Variants in DDX4 observed in about 807,000 individuals in gnomAD.
DDX4 encodes probable ATP-dependent RNA helicase DDX4.
A neutral mutation model predicts 100.0 loss-of-function variants in DDX4; 25 were observed. The observed-to-expected ratio is 0.25, with a 90% CI of 0.18 to 0.35. The LOEUF (loss-of-function observed/expected upper bound fraction) is 0.35. Ranked by LOEUF, DDX4 falls within the 10% of genes least tolerant of loss-of-function variation. The pLI is 1.00. For synonymous variants in DDX4, 259 were observed against 275.7 expected (o/e 0.94, Z 0.60); for missense variants, 635 against 882.4 (o/e 0.72, Z 3.55).
chr5:55,816,667 A>T lies in DDX4; in HGVS notation c.*127A>T. 9.1e-6 allele frequency: 13 copies of T among 1,435,398 alleles called. No homozygotes were observed. Among genetic ancestry groups the T allele is most frequent in the Middle Eastern group, 2.1e-4 (1 of 4,678 alleles). The allele number at this position is 1,435,398 out of a possible 1,614,324, so 88.9% of individuals were successfully genotyped here. On this transcript the variant is annotated 3_prime_UTR_variant, in exon 22 of 22. Transcript: ENST00000505374. ...CCTGTCCTTGTATTCTCACTCCTAC[A>T]CTTAAAAAAAAAATCCTTACTGACT...
At position 55,800,484 on chromosome 5, in the gene DDX4, C is replaced by T. The variant is rs1362152868; in HGVS notation, c.1615+1913C>T. Among the ~76,000 whole-genome samples the T allele has an allele frequency of 3.3e-5, 5 of 152,000 alleles. No homozygotes were observed. The East Asian group carries it at 7.7e-4, about 23-fold the overall frequency. Reference sequence around the variant, plus strand: ...GACTAGAGGCACGTGCCACCATACCCGGCTAATTTTTTTGTATTTTTAGTA... The same window carrying T: ...GACTAGAGGCACGTGCCACCATACCTGGCTAATTTTTTTGTATTTTTAGTA... On this transcript the variant is annotated intron_variant, in intron 18 of 21. Coordinates refer to ENST00000505374, the MANE Select transcript of DDX4 (RefSeq NM_024415.3).
rs1742260028 is a variant in DDX4 at position 55,786,545 on chromosome 5, A to T, written c.892A>T (p.Thr298Ser). ...LTFEEANLCQ[T>S]LNNNIAKAGY... ...TTTTGAAGAAGCTAATCTCTGTCAGACACTGAATAACAACATTGCTAAAGC... is the reference window on the plus strand; with the variant it reads ...TTTTGAAGAAGCTAATCTCTGTCAGTCACTGAATAACAACATTGCTAAAGC... Residue 298 changes from threonine to serine, a missense_variant, in exon 14 of 22, where the codon ACA becomes TCA. Physicochemically the swap from Thr to Ser is moderately conservative, Grantham distance 58 (BLOSUM62 1). Coordinates refer to ENST00000505374, the MANE Select transcript of DDX4 (RefSeq NM_024415.3). 1.7e-5 allele frequency: 27 copies of T among 1,613,250 alleles called. No individual in the cohort carries two copies. The highest frequency in any genetic ancestry group is 2.3e-5 in the Non-Finnish European group (27 of 1,179,290).
intron 18 of DDX4, among the ~76,000 whole-genome samples, chr5:55,801,281 T>TA (rs1246526581): frequency 6.6e-6 from 1 of 151,798 alleles, no homozygotes; most frequent in Non-Finnish European, 1.5e-5. Flanking sequence ...TCAGTAGTGT[T>TA]ACGGTATTTT....
intron 7 of DDX4, among the ~76,000 whole-genome samples, chr5:55,768,885 C>G (rs560589547): frequency 1.3e-5 from 2 of 152,230 alleles, no homozygotes; most frequent in African/African-American, 4.8e-5. Flanking sequence ...ATTAGTGATG[C>G]TGAGCATTTT....
Position 55,816,715 on chromosome 5 carries a change from T to TA in DDX4, c.*176dup, listed in dbSNP as rs1417223256. On this transcript the variant is annotated 3_prime_UTR_variant, in exon 22 of 22. Coordinates refer to ENST00000505374, the MANE Select transcript of DDX4 (RefSeq NM_024415.3). ...ACTAGTTATGTGAGATGCTAAAACT[T>TA]ACAACATTGCAGTTACTGATACAAA... 1.8e-6 allele frequency: 2 copies of TA among 1,096,508 alleles called. No homozygotes were observed. The highest frequency in any genetic ancestry group is 2.5e-6 in the Non-Finnish European group (2 of 802,590). The allele number at this position is 1,096,508 out of a possible 1,614,324, so 67.9% of individuals were successfully genotyped here.
chr5:55,793,972 C>T (rs146327838), intron 17 of DDX4, among the ~76,000 whole-genome samples: 178 of 152,190 alleles, frequency 1.2e-3, no homozygotes, highest in African/African-American at 4.0e-3. Flanking sequence ...GGATCCTGTG[C>T]TAGTATATCA....
chr5:55,786,642 C>T lies in DDX4; in HGVS notation c.989C>T (p.Ala330Val). The T allele has an allele frequency of 3.1e-6, 5 of 1,613,368 alleles. No homozygotes were observed. Among genetic ancestry groups the T allele is most frequent in the Non-Finnish European group, 4.2e-6 (5 of 1,179,416 alleles). ...ATACTTGCAGGACGAGATTTGATGG[C>T]TTGCGCTCAAACAGGGTCTGGGAAG... ...PIILAGRDLM[A>V]CAQTGSGKTA... Residue 330 changes from alanine to valine, a missense_variant, in exon 14 of 22, where the codon GCT (alanine) becomes GTT (valine). Ala to Val is a moderately conservative substitution (Grantham distance 64). Coordinates refer to ENST00000505374, the MANE Select transcript of DDX4 (RefSeq NM_024415.3).
At position 55,786,533 on chromosome 5, in the gene DDX4, A is replaced by C. The variant is rs757404630; in HGVS notation, c.880A>C (p.Asn294His). The change falls in exon 14 of 22, where the codon AAT becomes CAT. Residue 294 changes from asparagine to histidine, a missense_variant. Asn to His is a moderately conservative substitution (Grantham distance 68, BLOSUM62 1). Around this residue, in one of 4 missense-constraint regions of DDX4, gnomAD observed 446 missense variants for 540.8 expected, o/e 0.82. Transcript: ENST00000505374. Reference protein sequence around the residue: ...PPAILTFEEANLCQTLNNNIA... With the variant: ...PPAILTFEEAHLCQTLNNNIA... ...AAATTTTCAGACTTTTGAAGAAGCT[A>C]ATCTCTGTCAGACACTGAATAACAA... 6.2e-7 allele frequency: 1 copy of C among 1,612,318 alleles called. No homozygotes were observed. Among genetic ancestry groups the C allele is most frequent in the Non-Finnish European group, 8.5e-7 (1 of 1,178,804 alleles).
Position 55,787,961 on chromosome 5 carries a change from T to C in DDX4, c.1133T>C (p.Val378Ala), listed in dbSNP as rs1449957128. 3.7e-6 allele frequency: 6 copies of C among 1,613,582 alleles called. No individual in the cohort carries two copies. The highest frequency in any genetic ancestry group is 4.2e-6 in the Non-Finnish European group (5 of 1,179,800). Residue 378 changes from valine to alanine, a missense_variant, in exon 15 of 22, where the codon GTC becomes GCC. By Grantham distance (64) the Val-to-Ala change is moderately conservative (BLOSUM62 0). This residue lies in a region of DDX4 where 446 missense variants were observed against 540.8 expected (regional missense o/e 0.82). Transcript: ENST00000505374. ...CIIVAPTREL[V>A]NQIYLEARKF... is the part of the protein sequence containing the mutation. Reference sequence around the variant, plus strand: ...ATTGTAGCACCAACTCGAGAATTGGTCAACCAGATTTATTTGGAAGCCAGA... The same window carrying C: ...ATTGTAGCACCAACTCGAGAATTGGCCAACCAGATTTATTTGGAAGCCAGA...
intron 17 of DDX4, among the ~76,000 whole-genome samples, chr5:55,796,205 T>G (rs779519684): frequency 3.3e-5 from 5 of 152,210 alleles, no homozygotes. Context: ...AGGGTGGGCC[T>G]TCTTCTCCCA....
chr5:55,786,473 A>C lies in DDX4; in HGVS notation c.865-45A>C, dbSNP rs527832610. 7 of 1,466,528 alleles carry C rather than the reference A, an allele frequency of 4.8e-6. No homozygotes were observed. In the South Asian group the frequency reaches 8.2e-5, roughly 17 times the overall value. The allele number at this position is 1,466,528 out of a possible 1,614,324, so 90.8% of individuals were successfully genotyped here. ...TGAAATATGCTTATAAATGATCTGC[A>C]TATGATATATAGAATGTAATCACTG... On this transcript the variant is annotated intron_variant, in intron 13 of 21. Coordinates refer to ENST00000505374, the MANE Select transcript of DDX4 (RefSeq NM_024415.3).
intron 18 of DDX4, among the ~76,000 whole-genome samples, chr5:55,799,277 G>C (rs1743153185): frequency 6.6e-6 from 1 of 152,062 alleles, no homozygotes. Flanking sequence ...CTATTGACCA[G>C]GCTGGCCTTG....
At chr5:55,748,978 G>C (rs140625872) in intron 3 of DDX4, among the ~76,000 whole-genome samples, 1 of 151,952 alleles carries the variant, frequency 6.6e-6, no homozygotes, top group East Asian at 1.9e-4. Flanking sequence ...TTAGACATGC[G>C]TCTTTTCATT....
Position 55,786,617 on chromosome 5 carries a change from A to C in DDX4, c.964A>C (p.Ile322Leu), listed in dbSNP as rs1742264511. ...TGTGCAAAAATACAGTATTCCTATC[A>C]TACTTGCAGGACGAGATTTGATGGC... Reference protein sequence around the residue: ...TPVQKYSIPIILAGRDLMACA... With the variant: ...TPVQKYSIPILLAGRDLMACA... Residue 322 changes from isoleucine (I) to leucine (L), a missense_variant, in exon 14 of 22, where the codon ATA becomes CTA. By Grantham distance (5) the Ile-to-Leu change is conservative. Around this residue, in one of 4 missense-constraint regions of DDX4, gnomAD observed 446 missense variants for 540.8 expected, o/e 0.82. Coordinates refer to ENST00000505374, the MANE Select transcript of DDX4 (RefSeq NM_024415.3). 1 of 1,613,310 alleles carries C rather than the reference A, an allele frequency of 6.2e-7. No individual in the cohort carries two copies. Among genetic ancestry groups the C allele is most frequent in the Admixed American group, 1.7e-5 (1 of 59,994 alleles).
intron 18 of DDX4, among the ~76,000 whole-genome samples, chr5:55,809,094 TG>T (rs1273238880): frequency 6.6e-6 from 1 of 152,246 alleles, no homozygotes; most frequent in African/African-American, 2.4e-5. Context: ...CGAGGCTCCA[TG>T]GGGGTAGGAC....
At chr5:55,782,209 T>C (rs749150928) in intron 10 of DDX4, 22 of 524,156 alleles carry the variant, frequency 4.2e-5, no homozygotes, top group Non-Finnish European at 7.2e-5. Context: ...ATTATAGGAA[T>C]TATATACTAT....
intron 17 of DDX4, among the ~76,000 whole-genome samples, chr5:55,796,436 C>T (rs1165792455): frequency 6.6e-6 from 1 of 152,198 alleles, no homozygotes; most frequent in Non-Finnish European, 1.5e-5. Context: ...CTGGAAGTGG[C>T]TTTTTAACCT....
chr5:55,809,950 G>C (rs540030837), intron 18 of DDX4, among the ~76,000 whole-genome samples: 125 of 152,224 alleles, frequency 8.2e-4, no homozygotes, highest in African/African-American at 2.9e-3. Flanking sequence ...ATAGAATTTT[G>C]AGCAGTGTTT....
At chr5:55,800,798 G>C (rs1265023138) in intron 18 of DDX4, among the ~76,000 whole-genome samples, 1 of 151,996 alleles carries the variant, frequency 6.6e-6, no homozygotes, top group East Asian at 1.9e-4. Context: ...TTTTGGTTTA[G>C]TGTTCATAGT....
Sources: gnomAD v4.1 joint callset for allele counts (sites outside exome capture counted in the v4.1 genomes callset) on GRCh38, gnomAD v4.1.1 for gene constraint, gnomAD v4.1.1 regional missense constraint, MANE v1.5 for transcripts, NCBI Gene and HGNC (gene_info 2026-07-23, HGNC 2026-07-21) for gene names.